The following AUTS2 variants were observed in gnomAD, a reference collection of about 807,000 sequenced individuals.
AUTS2 encodes autism susceptibility gene 2 protein.
Under a neutral mutation model 112.4 loss-of-function variants are expected in AUTS2, and 17 were observed. The ratio of observed to expected loss-of-function variants is 0.15; its 90% confidence interval spans 0.10 to 0.23. AUTS2 has a LOEUF of 0.23. Among genes scored for constraint, AUTS2 ranks in the 10% least tolerant of loss-of-function variants. The pLI is 1.00. For missense variants in AUTS2, 1,510 were observed against 1,701.6 expected (o/e 0.89, Z 1.98); for synonymous variants, 751 against 702.7 (o/e 1.07, Z -1.09).
intron 1 of AUTS2, among the ~76,000 whole-genome samples, chr7:69,738,093 A>G (rs796343553): frequency 2.0e-5 from 3 of 152,088 alleles, no homozygotes; most frequent in African/African-American, 7.2e-5. Context: ...CTGCTAAGCC[A>G]GGAGTCAGAA....
chr7:69,753,195 A>C (rs1269873859), intron 1 of AUTS2, among the ~76,000 whole-genome samples: 1 of 152,176 alleles, frequency 6.6e-6, no homozygotes, highest in Non-Finnish European at 1.5e-5. Context: ...CCTGGCACAC[A>C]AGAGGTGCTG....
intron 2 of AUTS2, among the ~76,000 whole-genome samples, chr7:70,084,949 C>T (rs1017166483): frequency 1.3e-5 from 2 of 150,830 alleles, no homozygotes; most frequent in African/African-American, 4.9e-5. Context: ...TATAGCTCAC[C>T]GTAACCTTGA....
chr7:70,585,925 C>T (rs1169991597), intron 5 of AUTS2, among the ~76,000 whole-genome samples: 5 of 152,108 alleles, frequency 3.3e-5, no homozygotes, highest in Admixed American at 6.5e-5. Context: ...TGCAACGGCG[C>T]GATCTCGGCT....
intron 2 of AUTS2, among the ~76,000 whole-genome samples, chr7:70,042,248 T>A (rs1047159579): frequency 6.6e-6 from 1 of 151,116 alleles, no homozygotes; most frequent in Non-Finnish European, 1.5e-5. Flanking sequence ...GCATTATTTC[T>A]TGGAGGAAAA....
chr7:69,772,196 ATTT>A (rs1788695958), intron 1 of AUTS2, among the ~76,000 whole-genome samples: 1 of 152,180 alleles, frequency 6.6e-6, no homozygotes, highest in Non-Finnish European at 1.5e-5. Flanking sequence ...ACCTTGTGCA[ATTT>A]CTGGATAACT....
At chr7:70,554,677 A>G (rs1408935070) in intron 5 of AUTS2, among the ~76,000 whole-genome samples, 1 of 152,166 alleles carries the variant, frequency 6.6e-6, no homozygotes, top group Non-Finnish European at 1.5e-5. Flanking sequence ...GCCTGGAGGT[A>G]GAAGGGGAAG....
intron 2 of AUTS2, among the ~76,000 whole-genome samples, chr7:70,019,254 G>A (rs1563043746): frequency 6.6e-6 from 1 of 152,130 alleles, no homozygotes; most frequent in Non-Finnish European, 1.5e-5. Flanking sequence ...ACACACTGGG[G>A]CCTTTTGGAG....
At chr7:70,128,791 A>G (rs970735003) in intron 3 of AUTS2, among the ~76,000 whole-genome samples, 4 of 152,196 alleles carry the variant, frequency 2.6e-5, no homozygotes, top group African/African-American at 9.7e-5. Flanking sequence ...TAGAAATTTA[A>G]CATCAGTGTG....
intron 4 of AUTS2, among the ~76,000 whole-genome samples, chr7:70,177,903 C>T (rs928086736): frequency 1.3e-5 from 2 of 150,818 alleles, no homozygotes; most frequent in East Asian, 1.9e-4. Flanking sequence ...CATCTTCTAC[C>T]GTTAACATAA....
intron 5 of AUTS2, among the ~76,000 whole-genome samples, chr7:70,688,873 G>A (rs10260459): frequency 0.016 from 2,495 of 152,280 alleles, 87 homozygotes; most frequent in African/African-American, 0.055. Flanking sequence ...TTTTATAGTC[G>A]TAGGCAAAAC....
At position 70,781,603 on chromosome 7, in the gene AUTS2, C is replaced by T. The variant is rs1051587160; in HGVS notation, c.2005-12C>T. ...TGGCCTTGGGACCCTTACTGTTCCC[C>T]TTGCTGTGTAGAAACAGATGCAGTC... On this transcript the variant is annotated splice_polypyrimidine_tract_variant and intron_variant, in intron 14 of 18. Coordinates refer to ENST00000342771, the MANE Select transcript of AUTS2 (RefSeq NM_015570.4). The T allele has an allele frequency of 1.2e-6, 2 of 1,613,862 alleles. No homozygotes were observed. The highest frequency in any genetic ancestry group is 1.7e-6 in the Non-Finnish European group (2 of 1,179,860).
At chr7:69,666,414 C>A (rs984413690) in intron 1 of AUTS2, among the ~76,000 whole-genome samples, 5 of 152,162 alleles carry the variant, frequency 3.3e-5, no homozygotes, top group African/African-American at 9.7e-5. Context: ...TACTATTACT[C>A]TTTTGCTTGG....
At chr7:70,160,452 G>T (rs1808016452) in intron 4 of AUTS2, among the ~76,000 whole-genome samples, 1 of 152,178 alleles carries the variant, frequency 6.6e-6, no homozygotes, top group African/African-American at 2.4e-5. Context: ...CCCATTGGAA[G>T]AATAACTTCT....
intron 2 of AUTS2, among the ~76,000 whole-genome samples, chr7:69,936,925 C>T (rs1331431111): frequency 6.6e-6 from 1 of 151,956 alleles, no homozygotes; most frequent in Non-Finnish European, 1.5e-5. Context: ...CTCTCTTTTC[C>T]CTTTACCCTC....
At chr7:69,966,012 T>C (rs182250562) in intron 2 of AUTS2, among the ~76,000 whole-genome samples, 1 of 152,184 alleles carries the variant, frequency 6.6e-6, no homozygotes, top group Non-Finnish European at 1.5e-5. Flanking sequence ...GGGGTAGGGT[T>C]TTTCAGGAGG....
chr7:69,868,980 C>T (rs1312107746), intron 1 of AUTS2, among the ~76,000 whole-genome samples: 2 of 152,160 alleles, frequency 1.3e-5, no homozygotes, highest in South Asian at 2.1e-4. Flanking sequence ...ACCTATAATA[C>T]ACATTGGGTC....
intron 1 of AUTS2, among the ~76,000 whole-genome samples, chr7:69,789,049 A>G (rs972742973): frequency 6.6e-6 from 1 of 152,164 alleles, no homozygotes; most frequent in African/African-American, 2.4e-5. Context: ...AAGGAGTATT[A>G]AAGAAATTAA....
chr7:69,823,237 G>C (rs975453457), intron 1 of AUTS2, among the ~76,000 whole-genome samples: 3 of 152,172 alleles, frequency 2.0e-5, no homozygotes, highest in Admixed American at 6.5e-5. Flanking sequence ...TATCTGCCTT[G>C]CTGCCTTCTC....
chr7:70,128,526 G>A (rs1361517757), intron 3 of AUTS2, among the ~76,000 whole-genome samples: 1 of 152,096 alleles, frequency 6.6e-6, no homozygotes, highest in Non-Finnish European at 1.5e-5. Context: ...ACAGGTGAAG[G>A]TCTATGGGAA....
Sources: gnomAD v4.1 joint callset for allele counts (sites outside exome capture counted in the v4.1 genomes callset) on GRCh38, gnomAD v4.1.1 for gene constraint, MANE v1.5 for transcripts, NCBI Gene and HGNC (gene_info 2026-07-23, HGNC 2026-07-21) for gene names.